The following SHANK2 variants were observed in gnomAD, a reference collection of about 807,000 sequenced individuals.
SHANK2 encodes SH3 and multiple ankyrin repeat domains protein 2.
SHANK2 carries 43 observed loss-of-function variants against 133.7 expected under a neutral mutation model. That is an observed-to-expected ratio of 0.32 (90% CI 0.25 to 0.41). The LOEUF (loss-of-function observed/expected upper bound fraction) is 0.41. SHANK2 is among the 10% of genes least tolerant of loss of function. The pLI is 1.00. For synonymous variants in SHANK2, 1,017 were observed against 952.8 expected (o/e 1.07, Z -1.24); for missense variants, 1,994 against 2,235.8 (o/e 0.89, Z 2.18).
In SHANK2 at chr11:70,739,857, C is replaced by T. The variant is rs1555034339; in HGVS notation, c.1778-41094G>A. On this transcript the variant is annotated intron_variant, in intron 14 of 25. Transcript: ENST00000601538. This position sits in a 1 kb window ranked among gnomAD's most constrained non-coding sequence, Gnocchi z 4.3. ...ACACGAGGCACCAGGGAGGCACCCA[C>T]AGAGGACGGCCACGTGAAGACAGGC... Among the ~76,000 whole-genome samples the T allele has an allele frequency of 6.6e-6, 1 of 152,234 alleles. No homozygotes were observed. The highest frequency in any genetic ancestry group is 1.9e-4 in the East Asian group (1 of 5,192).
At chr11:70,865,208 T>G (rs995227798) in intron 11 of SHANK2, 6 of 152,114 alleles carry the variant, frequency 3.9e-5, no homozygotes, top group Non-Finnish European at 7.3e-5. Flanking sequence ...AAGGGGTCCT[T>G]ATGATACCCG....
chr11:71,128,075 C>T (rs1297586030), intron 3 of SHANK2, among the ~76,000 whole-genome samples: 1 of 152,220 alleles, frequency 6.6e-6, no homozygotes, highest in African/African-American at 2.4e-5. Flanking sequence ...TGGGTGGGAA[C>T]ACAAGGAGCT....
chr11:70,565,160 T>C (rs1437954097), intron 17 of SHANK2, among the ~76,000 whole-genome samples: 9 of 152,230 alleles, frequency 5.9e-5, no homozygotes, highest in African/African-American at 2.2e-4. Flanking sequence ...TGGGTAGTTC[T>C]GTATCCTGGT....
chr11:70,575,608 T>C (rs548981950), intron 17 of SHANK2, among the ~76,000 whole-genome samples: 10 of 151,158 alleles, frequency 6.6e-5, no homozygotes, highest in African/African-American at 2.2e-4. Flanking sequence ...ACCAGGCTTT[T>C]CTTTATCATT....
intron 7 of SHANK2, among the ~76,000 whole-genome samples, chr11:71,093,103 T>C (rs1555094515): frequency 7.3e-6 from 1 of 137,526 alleles, no homozygotes; most frequent in African/African-American, 2.7e-5. Context: ...AGTTCTGAAA[T>C]AGCAAACAGT....
intron 4 of SHANK2, 37 bp downstream of exon 4, chr11:71,118,790 GAC>G: frequency 6.8e-7 from 1 of 1,477,860 alleles, no homozygotes. Flanking sequence ...TCCAGGCTGT[GAC>G]ACAACCACAG....
intron 2 of SHANK2, among the ~76,000 whole-genome samples, chr11:71,204,094 C>T (rs1285156825): frequency 1.3e-5 from 2 of 152,176 alleles, no homozygotes; most frequent in African/African-American, 4.8e-5. Flanking sequence ...ATCAGTGAAC[C>T]TGGATGGGGG....
At chr11:70,527,204 C>A (rs909829982) in intron 17 of SHANK2, among the ~76,000 whole-genome samples, 1 of 152,170 alleles carries the variant, frequency 6.6e-6, no homozygotes, top group African/African-American at 2.4e-5. Flanking sequence ...CCAGATGCTC[C>A]TGAACATTCT....
At chr11:71,144,264 C>G (rs1436436623) in intron 3 of SHANK2, among the ~76,000 whole-genome samples, 2 of 152,212 alleles carry the variant, frequency 1.3e-5, no homozygotes, top group Admixed American at 6.5e-5. Flanking sequence ...ATTCACCAAA[C>G]TGATGCCCTT....
At chr11:70,499,910 T>C (rs556672954) in intron 21 of SHANK2, among the ~76,000 whole-genome samples, 2 of 152,334 alleles carry the variant, frequency 1.3e-5, no homozygotes, top group African/African-American at 2.4e-5. Context: ...AAGGGATTAA[T>C]TAAAAGCTGG....
intron 14 of SHANK2, among the ~76,000 whole-genome samples, chr11:70,744,713 A>G (rs1367426448): frequency 6.6e-6 from 1 of 152,202 alleles, no homozygotes; most frequent in East Asian, 1.9e-4. Flanking sequence ...GCACTAGGAC[A>G]TCGCACAGCC....
intron 17 of SHANK2, among the ~76,000 whole-genome samples, chr11:70,614,695 G>C (rs2060714557): frequency 6.6e-6 from 1 of 152,214 alleles, no homozygotes; most frequent in Non-Finnish European, 1.5e-5. Context: ...TCCAGTCTTT[G>C]TCTCAGTGAC....
chr11:70,566,180 A>G (rs1402416047), intron 17 of SHANK2, among the ~76,000 whole-genome samples: 1 of 152,130 alleles, frequency 6.6e-6, no homozygotes, highest in Non-Finnish European at 1.5e-5. Context: ...TGATTCAGTT[A>G]TCTCCCACTG....
At chr11:70,523,615 C>T (rs1234644906) in intron 17 of SHANK2, among the ~76,000 whole-genome samples, 1 of 152,148 alleles carries the variant, frequency 6.6e-6, no homozygotes, top group Non-Finnish European at 1.5e-5. Context: ...TATGGTCCTG[C>T]CCCCTCCCTG....
chr11:71,150,705 C>T (rs1250395332), intron 2 of SHANK2, among the ~76,000 whole-genome samples: 2 of 151,996 alleles, frequency 1.3e-5, no homozygotes, highest in South Asian at 2.1e-4. Context: ...CCACAGTTTT[C>T]GGAGCACCCT....
chr11:70,596,456 G>A (rs913692341), intron 17 of SHANK2, among the ~76,000 whole-genome samples: 5 of 152,140 alleles, frequency 3.3e-5, no homozygotes, highest in Admixed American at 6.5e-5. Flanking sequence ...CCCCCTACCC[G>A]GGTTCTAGGG....
intron 11 of SHANK2, among the ~76,000 whole-genome samples, chr11:70,822,672 G>C (rs1455702365): frequency 6.8e-6 from 1 of 147,346 alleles, no homozygotes; most frequent in East Asian, 2.1e-4. Flanking sequence ...GGCGTTGGCA[G>C]AGCCCATGGG....
At chr11:70,597,081 C>T (rs538731515) in intron 17 of SHANK2, among the ~76,000 whole-genome samples, 17 of 152,042 alleles carry the variant, frequency 1.1e-4, no homozygotes, top group East Asian at 1.9e-4. Context: ...AATTGTGCAC[C>T]GGTGCTCAGG....
intron 9 of SHANK2, among the ~76,000 whole-genome samples, chr11:71,060,642 T>C (rs1950976532): frequency 1.3e-5 from 2 of 152,218 alleles, no homozygotes; most frequent in African/African-American, 4.8e-5. Flanking sequence ...GAGGGACAGA[T>C]GCCCATGGAG....
Sources: allele counts gnomAD v4.1 joint callset (sites outside exome capture counted in the v4.1 genomes callset), GRCh38; gene constraint gnomAD v4.1.1; non-coding constraint Gnocchi (gnomAD v3.1); transcripts MANE v1.5; gene names NCBI Gene and HGNC (gene_info 2026-07-23, HGNC 2026-07-21).